Variants in STK24 observed in about 807,000 individuals in gnomAD.
The protein encoded by STK24 is serine/threonine-protein kinase 24.
A neutral mutation model predicts 55.6 loss-of-function variants in STK24; 21 were observed. The observed-to-expected ratio is 0.38, with a 90% CI of 0.27 to 0.54. The LOEUF (loss-of-function observed/expected upper bound fraction) is 0.54. Among genes scored for constraint, STK24 ranks in the 20% least tolerant of loss-of-function variants. STK24 has a pLI of 0.79. For missense variants in STK24, 383 were observed against 538.4 expected (o/e 0.71, Z 2.86); for synonymous variants, 200 against 215.2 (o/e 0.93, Z 0.62).
chr13:98,456,557 A>ACT (rs1247973342), intron 10 of STK24: 2 of 504,212 alleles, frequency 4.0e-6, no homozygotes, highest in African/African-American at 3.9e-5. Context: ...TCCCATGGAT[A>ACT]CTCCTACAAC....
At chr13:98,474,782 G>A (rs1429253838) in intron 5 of STK24, 39 bp downstream of exon 5, 4 of 1,563,656 alleles carry the variant, frequency 2.6e-6, no homozygotes, top group African/African-American at 1.4e-5. Context: ...AGCCCTCCAG[G>A]CCTCGTGAGG....
chr13:98,504,311 C>T (rs544329135), intron 2 of STK24, among the ~76,000 whole-genome samples: 57 of 152,300 alleles, frequency 3.7e-4, no homozygotes, highest in South Asian at 1.2e-3. Flanking sequence ...CTGTCAACAA[C>T]AGTCAAGCCT....
chr13:98,464,930 G>A (rs144288894), intron 6 of STK24, among the ~76,000 whole-genome samples: 1 of 152,198 alleles, frequency 6.6e-6, no homozygotes, highest in African/African-American at 2.4e-5. Context: ...AGAGCAACTG[G>A]ATGCGCTTCA....
At chr13:98,495,777 G>A (rs1387953815) in intron 2 of STK24, among the ~76,000 whole-genome samples, 2 of 152,218 alleles carry the variant, frequency 1.3e-5, no homozygotes, top group African/African-American at 4.8e-5. Flanking sequence ...ATTGCGAAAT[G>A]AAATGTACGC....
chr13:98,569,203 A>G (rs1897669441), intron 1 of STK24, among the ~76,000 whole-genome samples: 1 of 152,230 alleles, frequency 6.6e-6, no homozygotes, highest in African/African-American at 2.4e-5. Context: ...CAACACTGGA[A>G]GCTAAAACAC....
At chr13:98,512,678 T>A (rs185502759) in intron 2 of STK24, among the ~76,000 whole-genome samples, 134 of 151,878 alleles carry the variant, frequency 8.8e-4, no homozygotes, top group Non-Finnish European at 1.4e-3. Flanking sequence ...TAAAGCCAGA[T>A]AATTCTGACA....
intron 2 of STK24, among the ~76,000 whole-genome samples, chr13:98,488,281 C>T (rs2139316520): frequency 1.3e-5 from 2 of 151,988 alleles, no homozygotes; most frequent in South Asian, 4.2e-4. Flanking sequence ...AAGAAACCAC[C>T]CTACCAACAT....
At chr13:98,497,369 G>A (rs1895287191) in intron 2 of STK24, among the ~76,000 whole-genome samples, 1 of 152,152 alleles carries the variant, frequency 6.6e-6, no homozygotes, top group East Asian at 1.9e-4. Context: ...GGCAGACTAT[G>A]AACAAAATTT....
chr13:98,472,687 T>C (rs1894197873), intron 5 of STK24, among the ~76,000 whole-genome samples: 5 of 152,238 alleles, frequency 3.3e-5, no homozygotes, highest in Admixed American at 3.3e-4. Context: ...ATACAACTTT[T>C]TTCCTCTGGA....
chr13:98,461,176 C>A (rs1171894068), intron 8 of STK24, among the ~76,000 whole-genome samples: 1 of 152,174 alleles, frequency 6.6e-6, no homozygotes, highest in Admixed American at 6.5e-5. Context: ...ACTTTTGCAA[C>A]CTCTATTTGG....
At chr13:98,463,600 C>A in intron 7 of STK24, 91 bp downstream of exon 7, 9 of 1,368,048 alleles carry the variant, frequency 6.6e-6, no homozygotes, top group African/African-American at 1.5e-5. Context: ...AAAAAAAAAA[C>A]TCAACAGAAA....
At chr13:98,507,393 C>T (rs1895729404) in intron 2 of STK24, among the ~76,000 whole-genome samples, 1 of 152,206 alleles carries the variant, frequency 6.6e-6, no homozygotes, top group South Asian at 2.1e-4. Flanking sequence ...GCTCCTGGCA[C>T]AGGGCCAACG....
chr13:98,518,572 C>T (rs1057064113), intron 2 of STK24, among the ~76,000 whole-genome samples: 38 of 152,326 alleles, frequency 2.5e-4, no homozygotes, highest in African/African-American at 8.2e-4. Context: ...AACACAAGAA[C>T]GGTCATAAGC....
intron 1 of STK24, among the ~76,000 whole-genome samples, chr13:98,529,460 G>A (rs1055880643): frequency 2.5e-4 from 38 of 152,060 alleles, no homozygotes; most frequent in African/African-American, 8.0e-4. Context: ...AACTGGGGAC[G>A]ACCCACTGCC....
chr13:98,545,064 A>G (rs1485935513), intron 1 of STK24, among the ~76,000 whole-genome samples: 3 of 152,246 alleles, frequency 2.0e-5, no homozygotes, highest in Admixed American at 6.5e-5. Flanking sequence ...GAAAAGATTC[A>G]TATGTCCAAA....
intron 5 of STK24, among the ~76,000 whole-genome samples, chr13:98,471,561 C>T (rs1319289174): frequency 2.0e-5 from 3 of 152,132 alleles, no homozygotes; most frequent in South Asian, 2.1e-4. Flanking sequence ...AAGGTTCTTA[C>T]GACATATGGG....
At chr13:98,544,103 A>G (rs2139424626) in intron 1 of STK24, among the ~76,000 whole-genome samples, 1 of 152,318 alleles carries the variant, frequency 6.6e-6, no homozygotes, top group Middle Eastern at 3.4e-3. Context: ...AAGTTAATAA[A>G]GGAAGGAGAG....
chr13:98,461,681 C>A (rs992571070), intron 8 of STK24, 93 bp downstream of exon 8: 1 of 1,554,550 alleles, frequency 6.4e-7, no homozygotes, highest in Admixed American at 1.7e-5. Flanking sequence ...CACAAAGGAC[C>A]CCAGCCGCAC....
At chr13:98,481,426 C>A (rs1021863331) in intron 3 of STK24, among the ~76,000 whole-genome samples, 4 of 152,224 alleles carry the variant, frequency 2.6e-5, no homozygotes, top group African/African-American at 9.6e-5. Context: ...GCCAGCCCCA[C>A]CTCCACACCC....
Sources: allele counts gnomAD v4.1 joint callset (sites outside exome capture counted in the v4.1 genomes callset), GRCh38; gene constraint gnomAD v4.1.1; transcripts MANE v1.5; gene names NCBI Gene and HGNC (gene_info 2026-07-23, HGNC 2026-07-21).